Variants in EXOC4 observed in about 807,000 individuals in gnomAD.
EXOC4 encodes the protein exocyst complex component 4.
A neutral mutation model predicts 107.2 loss-of-function variants in EXOC4; 71 were observed. The ratio of observed to expected loss-of-function variants is 0.66; its 90% CI spans 0.55 to 0.81. The LOEUF (loss-of-function observed/expected upper bound fraction) is 0.81, where lower values mean the gene tolerates loss of function less well. Among genes scored for constraint, EXOC4 ranks in the 30% least tolerant of loss-of-function variants. The pLI is 0.00. For synonymous variants in EXOC4, 456 were observed against 441.2 expected, an observed-to-expected ratio of 1.03 and a Z score of -0.42; for missense variants, 1,108 against 1,189.6, an observed-to-expected ratio of 0.93 and a Z score of 1.01.
chr7:133,683,414 C>G (rs949029369), intron 10 of EXOC4, among the ~76,000 whole-genome samples: 1 of 152,080 alleles, frequency 6.6e-6, no homozygotes, highest in Non-Finnish European at 1.5e-5. Flanking sequence ...TATCTTGGGG[C>G]TCAGAATCTA....
intron 9 of EXOC4, among the ~76,000 whole-genome samples, chr7:133,510,217 C>T (rs1475111396): frequency 6.6e-6 from 1 of 152,122 alleles, no homozygotes; most frequent in Non-Finnish European, 1.5e-5. Flanking sequence ...TAAATAGAAT[C>T]GTGATGTGGT....
At chr7:134,081,850 T>C in the EXOC4 span, among the ~76,000 whole-genome samples, 5 of 152,276 alleles carry the variant, frequency 3.3e-5, no homozygotes, top group South Asian at 1.0e-3. Context: ...TTGTGGGCTG[T>C]GTACAGAAAA....
At chr7:133,816,493 C>G (rs183655256) in intron 10 of EXOC4, among the ~76,000 whole-genome samples, 152 of 152,256 alleles carry the variant, frequency 1.0e-3, no homozygotes, top group Non-Finnish European at 1.7e-3. Context: ...TCCTCCAACT[C>G]CCATCCCATT....
chr7:133,331,627 G>A (rs918974655), intron 5 of EXOC4, among the ~76,000 whole-genome samples: 15 of 151,914 alleles, frequency 9.9e-5, no homozygotes, highest in South Asian at 2.1e-4. Flanking sequence ...CACCTCGCCC[G>A]GCTAATTTTT....
intron 7 of EXOC4, among the ~76,000 whole-genome samples, chr7:133,436,502 A>C (rs1448677046): frequency 6.9e-6 from 1 of 145,556 alleles, no homozygotes; most frequent in East Asian, 2.0e-4. Flanking sequence ...TGTGGTGTTA[A>C]AAAAAAAAAA....
intron 13 of EXOC4, among the ~76,000 whole-genome samples, chr7:133,918,224 C>A (rs1799855798): frequency 6.6e-6 from 1 of 152,158 alleles, no homozygotes; most frequent in Non-Finnish European, 1.5e-5. Flanking sequence ...TAATGATCCA[C>A]CTGCCTCGGC....
At chr7:134,035,342 G>A (rs1021997191) in intron 17 of EXOC4, among the ~76,000 whole-genome samples, 1 of 152,104 alleles carries the variant, frequency 6.6e-6, no homozygotes, top group Admixed American at 6.5e-5. Flanking sequence ...ACTGCGCCTG[G>A]CCAAAAAGTT....
intron 10 of EXOC4, among the ~76,000 whole-genome samples, chr7:133,631,075 T>G (rs934554238): frequency 3.3e-5 from 5 of 152,164 alleles, no homozygotes; most frequent in Admixed American, 2.6e-4. Flanking sequence ...ATGTATTTTT[T>G]TACCACAATT....
chr7:133,258,978 CTTG>C (rs992850671), intron 1 of EXOC4, among the ~76,000 whole-genome samples: 1 of 151,998 alleles, frequency 6.6e-6, no homozygotes, highest in Non-Finnish European at 1.5e-5. Context: ...TGAGATAATC[CTTG>C]TTGTCCTTTA....
intron 10 of EXOC4, among the ~76,000 whole-genome samples, chr7:133,768,690 G>A (rs1357965788): frequency 6.6e-6 from 1 of 151,918 alleles, no homozygotes; most frequent in Admixed American, 6.6e-5. Flanking sequence ...CCTAAAATTT[G>A]TTGCTGAATT....
intron 1 of EXOC4, among the ~76,000 whole-genome samples, chr7:133,261,007 A>G (rs1198452895): frequency 6.6e-6 from 1 of 152,042 alleles, no homozygotes; most frequent in African/African-American, 2.4e-5. Context: ...TGCTAATCCT[A>G]TCTAATATTA....
chr7:133,997,710 G>C, intron 15 of EXOC4, 77 bp downstream of exon 15: 1 of 1,486,124 alleles, frequency 6.7e-7, no homozygotes. Context: ...TTTCCAGGCA[G>C]TATCACCATA....
intron 11 of EXOC4, among the ~76,000 whole-genome samples, chr7:133,859,045 A>G (rs1240956695): frequency 2.0e-5 from 3 of 151,994 alleles, no homozygotes; most frequent in East Asian, 3.9e-4. Flanking sequence ...AGTGGCACCA[A>G]TTTGTTCTTC....
chr7:133,716,110 C>T (rs1057014364), intron 10 of EXOC4, among the ~76,000 whole-genome samples: 1 of 152,190 alleles, frequency 6.6e-6, no homozygotes, highest in Admixed American at 6.5e-5. Context: ...TACAACACTA[C>T]ATTCAAAAAG....
intron 14 of EXOC4, among the ~76,000 whole-genome samples, chr7:133,995,996 T>C (rs1181346472): frequency 1.3e-5 from 2 of 152,170 alleles, no homozygotes; most frequent in Non-Finnish European, 2.9e-5. Context: ...CAAAGGACTC[T>C]TTGAAAAAGA....
chr7:133,580,128 A>G lies in EXOC4; in HGVS notation c.1418-49917A>G, dbSNP rs78342112. Among the ~76,000 whole-genome samples the G allele has an allele frequency of 3.7e-3, 565 of 152,348 alleles. 9 individuals are homozygous for G. The highest frequency in any genetic ancestry group is 0.035 in the East Asian group (182 of 5,190). ...GTTTATCCATGTGACACTATGTGTC[A>G]GAATTCCCTTACTTTTTAAGGCTGC... On this transcript the variant is annotated intron_variant, in intron 9 of 17. Coordinates refer to ENST00000253861, the MANE Select transcript of EXOC4 (RefSeq NM_021807.4).
chr7:133,576,406 A>G (rs1246428415), intron 9 of EXOC4: 2 of 1,058,222 alleles, frequency 1.9e-6, no homozygotes, highest in African/African-American at 3.4e-5. Context: ...TGTCTCCGTC[A>G]CAGTCAAATT....
intron 12 of EXOC4, among the ~76,000 whole-genome samples, chr7:133,897,801 T>C (rs1287161349): frequency 6.6e-6 from 1 of 152,154 alleles, no homozygotes. Flanking sequence ...TTACATTCAA[T>C]CTGATTCACA....
chr7:134,083,820 A>G, the EXOC4 span, among the ~76,000 whole-genome samples: 1 of 152,182 alleles, frequency 6.6e-6, no homozygotes, highest in Non-Finnish European at 1.5e-5. Context: ...CAACAGGAGG[A>G]ATATCAATGA....
Sources: gnomAD v4.1 joint callset for allele counts (sites outside exome capture counted in the v4.1 genomes callset) on GRCh38, gnomAD v4.1.1 for gene constraint, MANE v1.5 for transcripts, NCBI Gene and HGNC (gene_info 2026-07-23, HGNC 2026-07-21) for gene names.